The following C17orf78 variants were observed in gnomAD, a reference collection of about 807,000 sequenced individuals.
The protein encoded by C17orf78 is chromosome 17 open reading frame 78.
In C17orf78, 27 loss-of-function variants were observed where a neutral mutation model predicts 31.8. That is an observed-to-expected ratio of 0.85 (90% CI 0.63 to 1.17). The LOEUF is 1.17. C17orf78 is among the 50% of genes most tolerant of loss of function. The pLI is 0.00. For missense variants in C17orf78, 258 were observed against 315.2 expected (o/e 0.82, Z 1.37); for synonymous variants, 106 against 115.1 (o/e 0.92, Z 0.51).
intron 3 of C17orf78, among the ~76,000 whole-genome samples, chr17:37,381,239 G>A (rs1024256233): frequency 1.3e-5 from 2 of 151,966 alleles, no homozygotes; most frequent in Non-Finnish European, 1.5e-5. Flanking sequence ...AGGCTGGAGC[G>A]CAGTGGCGCG....
chr17:37,389,403 AGGTGGGGTAGGGGCCGGGCGT>A (rs2050690685), intron 6 of C17orf78, 41 bp downstream of exon 6: 1 of 1,551,086 alleles, frequency 6.4e-7, no homozygotes, highest in South Asian at 1.2e-5. Flanking sequence ...TGCTTAAAGA[AGGTGGGGTAGGGGCCGGGCGT>A]GGTGGCTCAC....
At chr17:37,391,007 G>A (rs1039020889) in intron 6 of C17orf78, among the ~76,000 whole-genome samples, 18 of 152,212 alleles carry the variant, frequency 1.2e-4, no homozygotes, top group South Asian at 8.3e-4. Context: ...TTGGGAGGCC[G>A]AGGTGGATGG....
chr17:37,383,673 G>A lies in C17orf78; in HGVS notation c.392-2336G>A, dbSNP rs139572257. Among the ~76,000 whole-genome samples the A allele has an allele frequency of 2.8e-4, 42 of 152,236 alleles. No homozygotes were observed. The East Asian group carries it at 6.0e-3, about 22-fold the overall frequency. ...AGCAATTCTCGTGCTTCAGCCTCTCGAGTAGCTGGGATTACAGCACCACCA... is the reference window on the plus strand; with the variant it reads ...AGCAATTCTCGTGCTTCAGCCTCTCAAGTAGCTGGGATTACAGCACCACCA... On this transcript the variant is annotated intron_variant, in intron 3 of 6. Transcript: ENST00000615133.
At chr17:37,376,230 A>G in intron 1 of C17orf78, 80 bp downstream of exon 1, 1 of 1,210,458 alleles carries the variant, frequency 8.3e-7, no homozygotes, top group Non-Finnish European at 1.2e-6. Context: ...TCCACCAGAT[A>G]GAGATGTAGC....
chr17:37,382,419 T>C (rs960582389), intron 3 of C17orf78, among the ~76,000 whole-genome samples: 3 of 151,948 alleles, frequency 2.0e-5, no homozygotes, highest in Admixed American at 6.6e-5. Flanking sequence ...CTAGATGCTA[T>C]TGCTACATTA....
At chr17:37,391,149 A>G (rs2050866251) in intron 6 of C17orf78, among the ~76,000 whole-genome samples, 1 of 152,190 alleles carries the variant, frequency 6.6e-6, no homozygotes, top group South Asian at 2.1e-4. Context: ...GAGGCAGGAT[A>G]ATCGCTTGAA....
chr17:37,383,232 T>C (rs1236889070), intron 3 of C17orf78, among the ~76,000 whole-genome samples: 1 of 152,182 alleles, frequency 6.6e-6, no homozygotes, highest in Non-Finnish European at 1.5e-5. Flanking sequence ...CTAGGCATTG[T>C]GAGACTTGGG....
intron 1 of C17orf78, 29 bp from the exon 2 acceptor site, chr17:37,377,843 CCCCGGTT>C: frequency 1.3e-6 from 2 of 1,533,118 alleles, no homozygotes; most frequent in Non-Finnish European, 1.8e-6. Flanking sequence ...CCCAAACCTT[CCCCGGTT>C]CCCCTCCTCC....
At chr17:37,385,380 C>A (rs1714625) in intron 3 of C17orf78, among the ~76,000 whole-genome samples, 8 of 151,760 alleles carry the variant, frequency 5.3e-5, no homozygotes, top group African/African-American at 1.9e-4. Context: ...GGCTGAGGCA[C>A]GAGAATCATT....
intron 3 of C17orf78, among the ~76,000 whole-genome samples, chr17:37,381,673 G>A (rs1302030524): frequency 6.8e-6 from 1 of 147,062 alleles, no homozygotes; most frequent in African/African-American, 2.5e-5. Flanking sequence ...CGTTGCCCAG[G>A]CTGGAGTGCA....
At chr17:37,377,659 C>CAATA (rs140365002) in intron 1 of C17orf78, among the ~76,000 whole-genome samples, 12,935 of 143,514 alleles carry the variant, frequency 0.09, 617 homozygotes, top group African/African-American at 0.097. Flanking sequence ...GACTCCGTCT[C>CAATA]AATAAATAAA....
Position 37,377,864 on chromosome 17 carries a change from T to C in C17orf78, c.59-15T>C. ...CCTTCCCCGGTTCCCCTCCTCCCCCTCTGCTCACCCCCAGACCTCAGAGAT... is the reference window on the plus strand; with the variant it reads ...CCTTCCCCGGTTCCCCTCCTCCCCCCCTGCTCACCCCCAGACCTCAGAGAT... On this transcript the variant is annotated splice_polypyrimidine_tract_variant and intron_variant, in intron 1 of 6. Coordinates refer to ENST00000615133, the MANE Select transcript of C17orf78 (RefSeq NM_173625.5). 7 of 1,469,596 alleles carry C rather than the reference T, an allele frequency of 4.8e-6. No individual in the cohort carries two copies. The South Asian group carries it at 5.8e-5, about 12-fold the overall frequency. The allele number at this position is 1,469,596 out of a possible 1,614,324, so 91.0% of individuals were successfully genotyped here.
chr17:37,389,216 A>G (rs1253398264), intron 5 of C17orf78, 30 bp from the exon 6 acceptor site: 2 of 1,556,038 alleles, frequency 1.3e-6, no homozygotes, highest in Non-Finnish European at 1.7e-6. Context: ...CAGCCACTTC[A>G]TATTAATACC....
intron 5 of C17orf78, 45 bp downstream of exon 5, chr17:37,388,839 A>G: frequency 1.2e-6 from 2 of 1,604,718 alleles, no homozygotes; most frequent in Non-Finnish European, 8.5e-7. Flanking sequence ...ACCCATAAAG[A>G]CTTTCTTCTG....
chr17:37,378,806 A>G (rs1271633516), intron 2 of C17orf78, among the ~76,000 whole-genome samples: 2 of 152,172 alleles, frequency 1.3e-5, no homozygotes, highest in African/African-American at 4.8e-5. Context: ...TCATGTCTGT[A>G]ATCCCAGCAC....
Position 37,376,010 on chromosome 17 carries a change from T to C in C17orf78, c.-83T>C, listed in dbSNP as rs1039496014. On this transcript the variant is annotated 5_prime_UTR_variant, in exon 1 of 7. Coordinates refer to ENST00000615133, the MANE Select transcript of C17orf78 (RefSeq NM_173625.5). ...CAAACTTGGTTCCAGCTGCGTGTGG[T>C]GAAAGCAACTAGAGGCAGAGCTATC... is the stretch of plus-strand genomic sequence containing the variant. 2 of 1,232,876 alleles carry C rather than the reference T, an allele frequency of 1.6e-6. No homozygotes were observed. The highest frequency in any genetic ancestry group is 3.0e-5 in the African/African-American group (2 of 67,474). 76.4% of individuals were successfully genotyped at this position (1,232,876 alleles called of 1,614,324 possible).
intron 3 of C17orf78, 93 bp downstream of exon 3, chr17:37,379,475 A>AAATG: frequency 7.0e-7 from 1 of 1,431,552 alleles, no homozygotes; most frequent in Non-Finnish European, 9.4e-7. Context: ...AGCTACAAGA[A>AAATG]AATGAATTAT....
At chr17:37,384,482 TTTTA>T (rs1402458265) in intron 3 of C17orf78, among the ~76,000 whole-genome samples, 1 of 152,342 alleles carries the variant, frequency 6.6e-6, no homozygotes, top group East Asian at 1.9e-4. Flanking sequence ...GCTTTCTCAT[TTTTA>T]TTTGTTTCTG....
At chr17:37,378,238 C>T (rs2050093210) in intron 2 of C17orf78, among the ~76,000 whole-genome samples, 1 of 152,194 alleles carries the variant, frequency 6.6e-6, no homozygotes, top group Admixed American at 6.5e-5. Flanking sequence ...GAGCATTTCT[C>T]TGTGCTAAAT....
Sources: gnomAD v4.1 joint callset for allele counts (sites outside exome capture counted in the v4.1 genomes callset) on GRCh38, gnomAD v4.1.1 for gene constraint, MANE v1.5 for transcripts, NCBI Gene and HGNC (gene_info 2026-07-23, HGNC 2026-07-21) for gene names.